The following RAMP1 variants were observed in gnomAD, a reference collection of about 807,000 sequenced individuals.
RAMP1 encodes the protein receptor activity-modifying protein 1.
In RAMP1, 7 loss-of-function variants were observed where a neutral mutation model predicts 8.2. That is an observed-to-expected ratio of 0.85 (90% CI 0.49 to 1.60). RAMP1 has a LOEUF of 1.60. Ranked by LOEUF, RAMP1 falls within the 40% of genes most tolerant of loss-of-function variation. RAMP1 has a pLI of 0.00. For missense variants in RAMP1, 192 were observed against 202.4 expected (o/e 0.95, Z 0.31); for synonymous variants, 92 against 84.7 (o/e 1.09, Z -0.47).
intron 1 of RAMP1, among the ~76,000 whole-genome samples, chr2:237,870,752 C>G (rs1248706488): frequency 6.6e-6 from 1 of 152,156 alleles, no homozygotes; most frequent in East Asian, 1.9e-4. Flanking sequence ...AGTCAGGGGT[C>G]TCCCACCAGG....
intron 1 of RAMP1, among the ~76,000 whole-genome samples, chr2:237,863,054 G>A (rs759575078): frequency 5.9e-5 from 9 of 152,168 alleles, no homozygotes; most frequent in Admixed American, 1.3e-4. Flanking sequence ...TTGCAGGGAC[G>A]GCAGGCTCAG....
intron 1 of RAMP1, among the ~76,000 whole-genome samples, chr2:237,876,248 C>G (rs1377237013): frequency 2.6e-5 from 4 of 152,212 alleles, no homozygotes; most frequent in Non-Finnish European, 5.9e-5. Flanking sequence ...GGGCAGCCAC[C>G]TCTCCTTGGG....
Position 237,865,085 on chromosome 2 carries a change from C to A in RAMP1, c.52+5358C>A, listed in dbSNP as rs1339896422. Among the ~76,000 whole-genome samples the A allele has an allele frequency of 6.6e-6, 1 of 152,060 alleles. No homozygotes were observed. The highest frequency in any genetic ancestry group is 6.5e-5 in the Admixed American group (1 of 15,274). Reference sequence around the variant, plus strand: ...TAAAGGAGCCCTCAGCTGTGGCCCCCAGCATGGGCAGGAGGCCAGGCAAGG... The same window carrying A: ...TAAAGGAGCCCTCAGCTGTGGCCCCAAGCATGGGCAGGAGGCCAGGCAAGG... On this transcript the variant is annotated intron_variant, in intron 1 of 2. Coordinates refer to ENST00000254661, the MANE Select transcript of RAMP1 (RefSeq NM_005855.4). This position sits in a 1 kb window ranked among gnomAD's most constrained non-coding sequence, Gnocchi z 4.2.
intron 2 of RAMP1, among the ~76,000 whole-genome samples, chr2:237,908,766 G>A (rs1398097475): frequency 2.6e-5 from 4 of 152,122 alleles, no homozygotes; most frequent in South Asian, 2.1e-4. Context: ...GTGCAGGATC[G>A]TAGGCCAGGA....
chr2:237,891,769 A>G (rs531962693), intron 2 of RAMP1, among the ~76,000 whole-genome samples: 3 of 152,256 alleles, frequency 2.0e-5, no homozygotes, highest in African/African-American at 4.8e-5. Context: ...CAGCTCCTTT[A>G]TGTGTTGCTG....
intron 2 of RAMP1, among the ~76,000 whole-genome samples, chr2:237,904,766 CCTGTATCTTTATCT>C (rs1468054466): frequency 1.3e-5 from 2 of 152,098 alleles, no homozygotes; most frequent in Non-Finnish European, 2.9e-5. Flanking sequence ...CAAGTGAGGA[CCTGTATCTTTATCT>C]TAATAGGAGA....
intron 2 of RAMP1, among the ~76,000 whole-genome samples, chr2:237,888,211 G>C (rs557228438): frequency 1.3e-5 from 2 of 152,002 alleles, no homozygotes; most frequent in Non-Finnish European, 2.9e-5. Context: ...CTGCCACCAT[G>C]CCTAGCTAAT....
chr2:237,906,024 A>C (rs2062647519), intron 2 of RAMP1, among the ~76,000 whole-genome samples: 1 of 151,722 alleles, frequency 6.6e-6, no homozygotes, highest in Admixed American at 6.6e-5. Context: ...AAAAAAAAAA[A>C]AAAAAAGGCA....
At chr2:237,883,912 CTTTT>C (rs34291315) in intron 2 of RAMP1, among the ~76,000 whole-genome samples, 3 of 93,008 alleles carry the variant, frequency 3.2e-5, no homozygotes, top group East Asian at 3.3e-4. Flanking sequence ...TGTAGGTCCA[CTTTT>C]TTTTTTTTTT....
chr2:237,872,632 A>ATC (rs902499346), intron 1 of RAMP1, among the ~76,000 whole-genome samples: 2 of 152,200 alleles, frequency 1.3e-5, no homozygotes, highest in African/African-American at 2.4e-5. Context: ...CAGGGATTGC[A>ATC]TCCAGGCTGT....
chr2:237,882,441 G>A (rs550314999), intron 2 of RAMP1, among the ~76,000 whole-genome samples: 2 of 152,350 alleles, frequency 1.3e-5, no homozygotes, highest in African/African-American at 4.8e-5. Flanking sequence ...GCAGCAGCCT[G>A]GCGGAGGTGG....
Position 237,859,736 on chromosome 2 carries a change from G to T in RAMP1, c.52+9G>T, listed in dbSNP as rs1347452044. The T allele has an allele frequency of 1.4e-5, 21 of 1,508,262 alleles. No individual in the cohort carries two copies. Among genetic ancestry groups the T allele is most frequent in the Non-Finnish European group, 1.9e-5 (21 of 1,128,950 alleles). The allele number at this position is 1,508,262 out of a possible 1,614,324, so 93.4% of individuals were successfully genotyped here. A position where few individuals can be genotyped will look rare whatever the true frequency, so the allele number is the denominator to read the frequency against. On this transcript the variant is annotated intron_variant, in intron 1 of 2. Coordinates refer to ENST00000254661, the MANE Select transcript of RAMP1 (RefSeq NM_005855.4). ...CCTCTGGCTGCTCCTGGGTGAGTAG[G>T]TCCAGGGGTCCCGGCCGAGCTCCCT...
intron 2 of RAMP1, among the ~76,000 whole-genome samples, chr2:237,904,029 A>C (rs2062631370): frequency 6.6e-6 from 1 of 152,200 alleles, no homozygotes; most frequent in Non-Finnish European, 1.5e-5. Context: ...GTGAGCCACC[A>C]CGCCCAGCCT....
At chr2:237,905,787 GAT>G (rs1247509685) in intron 2 of RAMP1, among the ~76,000 whole-genome samples, 1 of 152,164 alleles carries the variant, frequency 6.6e-6, no homozygotes, top group African/African-American at 2.4e-5. Flanking sequence ...AAGGAGGGTA[GAT>G]CACCTGAGGT....
chr2:237,884,937 C>T (rs994003784), intron 2 of RAMP1, among the ~76,000 whole-genome samples: 5 of 152,238 alleles, frequency 3.3e-5, no homozygotes, highest in Non-Finnish European at 7.3e-5. Context: ...GGGCTGCAGC[C>T]CAGCGTGGTA....
intron 2 of RAMP1, among the ~76,000 whole-genome samples, chr2:237,892,111 T>G (rs1180067435): frequency 6.6e-6 from 1 of 152,184 alleles, no homozygotes; most frequent in Non-Finnish European, 1.5e-5. Flanking sequence ...CTGGATTTCA[T>G]TTTTTCTTCT....
rs2062721109 is a variant in RAMP1, at chr2:237,911,975, G to A, written c.*192G>A. On this transcript the variant is annotated 3_prime_UTR_variant, in exon 3 of 3. Transcript: ENST00000254661. Reference sequence around the variant, plus strand: ...AACCTGGAAGCCCCCCTGGCTGGAGGCCACCGCCACCCTAGGAAGGGGGCA... The same window carrying A: ...AACCTGGAAGCCCCCCTGGCTGGAGACCACCGCCACCCTAGGAAGGGGGCA... 3 of 925,828 alleles carry A rather than the reference G, an allele frequency of 3.2e-6. No individual in the cohort carries two copies. 57.4% of individuals were successfully genotyped at this position (925,828 alleles called of 1,614,324 possible). A position where few individuals can be genotyped will look rare whatever the true frequency, so the allele number is the denominator to read the frequency against.
In RAMP1 at chr2:237,865,916, A is replaced by G. The variant is rs1469368769; in HGVS notation, c.52+6189A>G. ...GCGGCGAAAGCTGCCCTTAGGAGGC[A>G]GCGAGGAGGTGAAACCAGAGAGCAT... is the stretch of plus-strand genomic sequence containing the variant. On this transcript the variant is annotated intron_variant, in intron 1 of 2. Transcript: ENST00000254661. This position sits in a 1 kb window ranked among gnomAD's most constrained non-coding sequence, Gnocchi z 4.2. Among the ~76,000 whole-genome samples the G allele has an allele frequency of 2.0e-5, 3 of 152,220 alleles. No individual in the cohort carries two copies. Among genetic ancestry groups the G allele is most frequent in the Admixed American group, 2.0e-4 (3 of 15,290 alleles).
intron 1 of RAMP1, among the ~76,000 whole-genome samples, chr2:237,875,781 C>T (rs1404704814): frequency 2.6e-5 from 4 of 152,124 alleles, no homozygotes; most frequent in African/African-American, 7.2e-5. Context: ...GTGTGGGATC[C>T]GTTCACCCTG....
Sources: allele counts gnomAD v4.1 joint callset (sites outside exome capture counted in the v4.1 genomes callset), GRCh38; gene constraint gnomAD v4.1.1; non-coding constraint Gnocchi (gnomAD v3.1); transcripts MANE v1.5; gene names NCBI Gene and HGNC (gene_info 2026-07-23, HGNC 2026-07-21).